Variants in NAA11 observed in about 807,000 individuals in gnomAD.
The protein encoded by NAA11 is N-alpha-acetyltransferase 11.
In NAA11, 15 loss-of-function variants were observed where a neutral mutation model predicts 16.1. The ratio of observed to expected loss-of-function variants is 0.93; its 90% confidence interval spans 0.62 to 1.44. The LOEUF (loss-of-function observed/expected upper bound fraction) is 1.44, where lower values mean the gene tolerates loss of function less well. Ranked by LOEUF, NAA11 falls within the 40% of genes most tolerant of loss-of-function variation. The pLI is 0.00. For missense variants in NAA11, 298 were observed against 291.3 expected (o/e 1.02, Z -0.17); for synonymous variants, 122 against 112.4 (o/e 1.09, Z -0.54).
At chr4:79,323,972 C>T (rs1438661125) in intron 1 of NAA11, among the ~76,000 whole-genome samples, 1 of 150,890 alleles carries the variant, frequency 6.6e-6, no homozygotes, top group Non-Finnish European at 1.5e-5. Flanking sequence ...CACTGCACTC[C>T]AGCCTGGGCG....
intron 2 of NAA11, among the ~76,000 whole-genome samples, chr4:79,275,800 A>C (rs143609250): frequency 6.6e-6 from 1 of 152,220 alleles, no homozygotes; most frequent in African/African-American, 2.4e-5. Context: ...AAATGTGACA[A>C]TTTTCAGAGC....
In NAA11 at chr4:79,248,802, C is replaced by T. The variant is rs77714091; in HGVS notation, c.*123-22532G>A. On this transcript the variant is annotated intron_variant and NMD_transcript_variant, in intron 2 of 2. Transcript: ENST00000511542. ...ATGCTGCCACCACTGCTGCTGTGAA[C>T]ACCCGCAGGAGACTGGCACTGCACT... Among the ~76,000 whole-genome samples the T allele has an allele frequency of 3.7e-3, 571 of 152,334 alleles. 4 individuals are homozygous for T. The highest frequency in any genetic ancestry group is 0.013 in the African/African-American group (540 of 41,570).
At chr4:79,256,800 A>G (rs1189739574) in intron 2 of NAA11, among the ~76,000 whole-genome samples, 1 of 151,386 alleles carries the variant, frequency 6.6e-6, no homozygotes, top group Non-Finnish European at 1.5e-5. Context: ...CCACAGGTGC[A>G]TGCCACCACA....
the NAA11 span, among the ~76,000 whole-genome samples, chr4:79,185,745 A>G: frequency 6.6e-6 from 1 of 152,176 alleles, no homozygotes; most frequent in East Asian, 1.9e-4. Flanking sequence ...GCTTTGAGTT[A>G]TTCCATCTGT....
chr4:79,251,567 C>G (rs1721995769), intron 2 of NAA11, among the ~76,000 whole-genome samples: 1 of 152,118 alleles, frequency 6.6e-6, no homozygotes, highest in East Asian at 1.9e-4. Flanking sequence ...GTATAACAAA[C>G]TCCCATAACA....
At chr4:79,242,606 A>G (rs1483389720) in intron 2 of NAA11, among the ~76,000 whole-genome samples, 4 of 152,218 alleles carry the variant, frequency 2.6e-5, no homozygotes, top group Non-Finnish European at 5.9e-5. Flanking sequence ...AATTCTGTTC[A>G]TAATCTTTAT....
chr4:79,221,294 T>C, downstream of NAA11, among the ~76,000 whole-genome samples: 1 of 149,884 alleles, frequency 6.7e-6, no homozygotes, highest in African/African-American at 2.5e-5. Flanking sequence ...TGGGGTTTTC[T>C]AGATATACAA....
At chr4:79,252,660 G>A (rs979548784) in intron 2 of NAA11, among the ~76,000 whole-genome samples, 1 of 152,180 alleles carries the variant, frequency 6.6e-6, no homozygotes. Flanking sequence ...TTGCAGCTCT[G>A]AGGGAAGTAT....
At chr4:79,256,759 T>A (rs1270084459) in intron 2 of NAA11, among the ~76,000 whole-genome samples, 1 of 150,892 alleles carries the variant, frequency 6.6e-6, no homozygotes, top group Non-Finnish European at 1.5e-5. Context: ...TTCAAGCAAT[T>A]CTTATGCCTC....
chr4:79,239,954 A>G lies in NAA11; in HGVS notation c.*123-13684T>C, dbSNP rs566667605. 2.0e-5 allele frequency among the ~76,000 whole-genome samples: 3 copies of G among 152,266 alleles called. No homozygotes were observed. In the East Asian group the frequency reaches 5.8e-4, roughly 29 times the overall value. ...TCAACATCATGGTGTGCACTTACCA[A>G]GGGTGACCTGGCTGCACTACTGCTG... On this transcript the variant is annotated intron_variant and NMD_transcript_variant, in intron 2 of 2. Transcript: ENST00000511542.
chr4:79,326,012 G>A lies in NAA11; in HGVS notation c.-135C>T, dbSNP rs1417873602. On this transcript the variant is annotated 5_prime_UTR_variant, in exon 1 of 2. Coordinates refer to ENST00000286794, the MANE Select transcript of NAA11 (RefSeq NM_032693.3). ...ACCGGGCTGAATCGTGTGGAGGGCG[G>A]ATGGCGGGAAGGCGGAAGGAGCAGG... The A allele has an allele frequency of 1.4e-6, 1 of 725,586 alleles. No homozygotes were observed. Among genetic ancestry groups the A allele is most frequent in the East Asian group, 2.7e-5 (1 of 36,854 alleles). The allele number at this position is 725,586 out of a possible 1,614,324, so 44.9% of individuals were successfully genotyped here. A position where few individuals can be genotyped will look rare whatever the true frequency, so the allele number is the denominator to read the frequency against.
At chr4:79,303,024 A>C (rs1052723224) in intron 1 of NAA11, among the ~76,000 whole-genome samples, 1 of 139,924 alleles carries the variant, frequency 7.1e-6, no homozygotes, top group African/African-American at 2.7e-5. Flanking sequence ...TGCCATCTTG[A>C]CTTTTTAATT....
At chr4:79,320,549 C>CA (rs1313986294) in intron 1 of NAA11, among the ~76,000 whole-genome samples, 2 of 152,138 alleles carry the variant, frequency 1.3e-5, no homozygotes, top group African/African-American at 4.8e-5. Flanking sequence ...TCCTCAACCA[C>CA]AAAATGGAGT....
chr4:79,323,787 C>G (rs1405440971), intron 1 of NAA11, among the ~76,000 whole-genome samples: 4 of 151,852 alleles, frequency 2.6e-5, no homozygotes, highest in Non-Finnish European at 5.9e-5. Flanking sequence ...TGCCACGGCA[C>G]TCCAGCCTCG....
At chr4:79,228,544 G>T (rs1196135209) in intron 2 of NAA11, among the ~76,000 whole-genome samples, 1 of 150,932 alleles carries the variant, frequency 6.6e-6, no homozygotes, top group Non-Finnish European at 1.5e-5. Context: ...TCCAAAAATG[G>T]AACATAAATT....
At chr4:79,191,308 T>C in the NAA11 span, among the ~76,000 whole-genome samples, 1 of 150,970 alleles carries the variant, frequency 6.6e-6, no homozygotes, top group Non-Finnish European at 1.5e-5. Flanking sequence ...AAGTGTTCCC[T>C]TTTCTCTGCA....
At chr4:79,202,623 T>TTTTATATATATATATATATATATATA in the NAA11 span, among the ~76,000 whole-genome samples, 7 of 52,622 alleles carry the variant, frequency 1.3e-4, no homozygotes, top group African/African-American at 2.7e-4. Flanking sequence ...ATATATAGTT[T>TTTTATATATATATATATATATATATA]TATATATATA....
the NAA11 span, among the ~76,000 whole-genome samples, chr4:79,208,088 T>C: frequency 1.3e-5 from 2 of 152,140 alleles, no homozygotes; most frequent in Non-Finnish European, 2.9e-5. Flanking sequence ...AGACAGTCTT[T>C]AAGTACATTT....
chr4:79,309,510 G>A (rs1207554083), intron 1 of NAA11, among the ~76,000 whole-genome samples: 1 of 152,048 alleles, frequency 6.6e-6, no homozygotes, highest in African/African-American at 2.4e-5. Flanking sequence ...GAGATTTGAT[G>A]TGTTCTCTAT....
Sources: gnomAD v4.1 joint callset for allele counts (sites outside exome capture counted in the v4.1 genomes callset) on GRCh38, gnomAD v4.1.1 for gene constraint, MANE v1.5 for transcripts, NCBI Gene and HGNC (gene_info 2026-07-23, HGNC 2026-07-21) for gene names.